Variants in DPP10 observed in about 807,000 individuals in gnomAD.
DPP10 encodes the protein inactive dipeptidyl peptidase 10.
DPP10 carries 33 observed loss-of-function variants against 120.9 expected under a neutral mutation model. The observed-to-expected ratio is 0.27, with a 90% CI of 0.21 to 0.37. DPP10 has a LOEUF of 0.37. Among genes scored for constraint, DPP10 ranks in the 10% least tolerant of loss-of-function variants. DPP10 has a pLI of 1.00. For synonymous variants in DPP10, 337 were observed against 326.1 expected (o/e 1.03, Z -0.36); for missense variants, 816 against 942.8 (o/e 0.87, Z 1.76).
At position 115,241,095 on chromosome 2, in the gene DPP10, C is replaced by A. The variant is rs1016533718; in HGVS notation, c.61-68144C>A. The stretch of plus-strand genomic sequence containing the variant: ...ACCAGTCTGACCAACATGGTAAAAC[C>A]CCGCCACTACTAAAAATACAAAAAT... On this transcript the variant is annotated intron_variant, in intron 1 of 25. Transcript: ENST00000410059. Among the ~76,000 whole-genome samples the A allele has an allele frequency of 2.0e-5, 3 of 152,070 alleles. No homozygotes were observed. In the East Asian group the frequency reaches 5.8e-4, roughly 29 times the overall value.
chr2:115,617,999 C>G (rs1558932439), intron 5 of DPP10, among the ~76,000 whole-genome samples: 2 of 152,176 alleles, frequency 1.3e-5, no homozygotes, highest in Non-Finnish European at 2.9e-5. Context: ...AATTACAAGA[C>G]ACCTATGTGA....
chr2:115,370,851 C>G (rs527590688), intron 3 of DPP10, among the ~76,000 whole-genome samples: 1 of 151,940 alleles, frequency 6.6e-6, no homozygotes, highest in Non-Finnish European at 1.5e-5. Flanking sequence ...TCTCGTTAAG[C>G]GCCAGGTGAT....
chr2:114,567,899 T>C (rs1445808808), intron 1 of DPP10, among the ~76,000 whole-genome samples: 2 of 151,760 alleles, frequency 1.3e-5, no homozygotes, highest in African/African-American at 2.4e-5. Context: ...TCAGGAAAAA[T>C]AGCTAATGCA....
chr2:114,509,882 A>C (rs981361038), intron 1 of DPP10, among the ~76,000 whole-genome samples: 2 of 152,214 alleles, frequency 1.3e-5, no homozygotes, highest in Non-Finnish European at 2.9e-5. Context: ...TCCCTCTTAA[A>C]TGTTTGCCTG....
chr2:114,814,739 C>T (rs1452106428), intron 1 of DPP10, among the ~76,000 whole-genome samples: 2 of 152,122 alleles, frequency 1.3e-5, no homozygotes, highest in East Asian at 1.9e-4. Flanking sequence ...GTGTCAAGAA[C>T]AGGGAATTTC....
intron 1 of DPP10, among the ~76,000 whole-genome samples, chr2:115,095,856 T>C (rs1289636383): frequency 1.3e-5 from 2 of 152,156 alleles, no homozygotes; most frequent in Non-Finnish European, 2.9e-5. Context: ...AAACATTTTA[T>C]ATGTAGTAGT....
chr2:115,636,156 A>C (rs1382430960), intron 5 of DPP10, among the ~76,000 whole-genome samples: 6 of 151,904 alleles, frequency 3.9e-5, no homozygotes, highest in Non-Finnish European at 7.4e-5. Context: ...AAAAAAAAAA[A>C]AACAAAAAAC....
chr2:115,546,829 A>AT (rs2079530856), intron 5 of DPP10, among the ~76,000 whole-genome samples: 1 of 152,104 alleles, frequency 6.6e-6, no homozygotes, highest in Non-Finnish European at 1.5e-5. Flanking sequence ...GAAAACAGAC[A>AT]TTTTCCCTGT....
intron 21 of DPP10, among the ~76,000 whole-genome samples, chr2:115,834,055 A>G (rs907270187): frequency 1.3e-5 from 2 of 152,180 alleles, no homozygotes; most frequent in African/African-American, 4.8e-5. Context: ...ACTTTGAAGT[A>G]GCTTATATCT....
At chr2:114,840,376 C>T (rs1248692092) in intron 1 of DPP10, among the ~76,000 whole-genome samples, 1 of 152,062 alleles carries the variant, frequency 6.6e-6, no homozygotes, top group Non-Finnish European at 1.5e-5. Flanking sequence ...TCCGTTTGGC[C>T]TGTTCTCTTG....
chr2:115,452,937 A>G (rs980549405), intron 3 of DPP10, among the ~76,000 whole-genome samples: 3 of 151,902 alleles, frequency 2.0e-5, no homozygotes, highest in Non-Finnish European at 4.4e-5. Context: ...GGAGATGACA[A>G]TAGTAAGAAT....
chr2:115,075,986 A>G (rs1247275218), intron 1 of DPP10, among the ~76,000 whole-genome samples: 2 of 152,108 alleles, frequency 1.3e-5, no homozygotes, highest in Non-Finnish European at 2.9e-5. Context: ...CTCAGAATCG[A>G]AAGACGTGGG....
At chr2:115,564,461 A>AT (rs2080880447) in intron 5 of DPP10, among the ~76,000 whole-genome samples, 2 of 152,120 alleles carry the variant, frequency 1.3e-5, no homozygotes, top group Admixed American at 6.6e-5. Flanking sequence ...TGTACCCAGA[A>AT]TTTTCTGCTT....
intron 1 of DPP10, among the ~76,000 whole-genome samples, chr2:114,554,613 G>A (rs1688142253): frequency 1.3e-5 from 2 of 152,294 alleles, no homozygotes; most frequent in South Asian, 2.1e-4. Flanking sequence ...TTGTCACACT[G>A]AATCTGACCT....
intron 1 of DPP10, among the ~76,000 whole-genome samples, chr2:114,455,253 C>T (rs1200175702): frequency 2.6e-5 from 4 of 150,970 alleles, no homozygotes; most frequent in African/African-American, 7.3e-5. Context: ...GTTTTAAAAA[C>T]GTAAATACAG....
At chr2:115,496,635 C>T (rs897807514) in intron 3 of DPP10, among the ~76,000 whole-genome samples, 1 of 152,156 alleles carries the variant, frequency 6.6e-6, no homozygotes, top group Admixed American at 6.6e-5. Context: ...ACCATTCATA[C>T]TAAAATTGCT....
At chr2:114,512,817 C>G (rs1351605106) in intron 1 of DPP10, among the ~76,000 whole-genome samples, 1 of 151,778 alleles carries the variant, frequency 6.6e-6, no homozygotes, top group Non-Finnish European at 1.5e-5. Flanking sequence ...AGATGTTGTC[C>G]TCATCAAGGA....
chr2:115,807,101 G>A (rs1686071787), intron 19 of DPP10, among the ~76,000 whole-genome samples: 1 of 152,162 alleles, frequency 6.6e-6, no homozygotes, highest in African/African-American at 2.4e-5. Context: ...CCCAGCAACT[G>A]AAAGAAAAGA....
Position 114,497,295 on chromosome 2 carries a change from A to G in DPP10, c.60+54457A>G, listed in dbSNP as rs535530925. On this transcript the variant is annotated intron_variant, in intron 1 of 25. Transcript: ENST00000410059. ...TACATGTATACGTGTATACATGTAC[A>G]TGTATACGTGTATACATGTACATGT... 4.0e-3 allele frequency among the ~76,000 whole-genome samples: 275 copies of G among 68,838 alleles called. 2 individuals are homozygous for G. Among genetic ancestry groups the G allele is most frequent in the African/African-American group, 9.8e-3 (263 of 26,908 alleles). The allele number at this position is 68,838 out of a possible 152,430, so 45.2% of individuals were successfully genotyped here.
Sources: allele counts gnomAD v4.1 joint callset (sites outside exome capture counted in the v4.1 genomes callset), GRCh38; gene constraint gnomAD v4.1.1; transcripts MANE v1.5; gene names NCBI Gene and HGNC (gene_info 2026-07-23, HGNC 2026-07-21).